ASNSD1: variants seen among roughly 807,000 people sequenced by gnomAD.
ASNSD1 encodes asparagine synthetase domain-containing protein 1.
A neutral mutation model predicts 48.3 loss-of-function variants in ASNSD1; 36 were observed. The observed-to-expected ratio is 0.75, with a 90% CI of 0.57 to 0.99. ASNSD1 has a LOEUF of 0.99. ASNSD1 is among the 50% of genes least tolerant of loss of function. The pLI, the probability that ASNSD1 is intolerant of heterozygous loss-of-function variation, is 0.00. For missense variants in ASNSD1, 714 were observed against 758.2 expected (o/e 0.94, Z 0.69); for synonymous variants, 257 against 262.1 (o/e 0.98, Z 0.19).
chr2:189,662,148 G>A (rs1574275380), intron 1 of ASNSD1, among the ~76,000 whole-genome samples: 1 of 152,202 alleles, frequency 6.6e-6, no homozygotes, highest in Non-Finnish European at 1.5e-5. Flanking sequence ...CCTGTTAGCT[G>A]CTGCTTCTCC....
Position 189,670,535 on chromosome 2 carries a change from A to T in ASNSD1, c.1741A>T (p.Lys581Ter), listed in dbSNP as rs774924153. 6.2e-7 allele frequency: 1 copy of T among 1,613,994 alleles called. No individual in the cohort carries two copies. Among genetic ancestry groups the T allele is most frequent in the African/African-American group, 1.3e-5 (1 of 74,920 alleles). ...NLTLPRGIGE[K>*]LLLRLAAVEL... ...GACTTTACCCCGAGGAATTGGTGAA[A>T]AATTACTTTTACGCCTTGCAGCTGT... The change falls in exon 6 of 6, where the codon AAA becomes TAA. Residue 581 changes from lysine to a stop codon, truncating the protein, a stop_gained. Coordinates refer to ENST00000260952, the MANE Select transcript of ASNSD1 (RefSeq NM_019048.4). LOFTEE classifies it high-confidence loss of function.
intron 3 of ASNSD1, among the ~76,000 whole-genome samples, 165 bp downstream of exon 3, chr2:189,665,616 A>ATATATG (rs2032778433): frequency 1.9e-5 from 2 of 106,998 alleles, no homozygotes; most frequent in African/African-American, 7.5e-5. Context: ...ATATATATAT[A>ATATATG]TATATATATA....
chr2:189,667,265 G>A lies in ASNSD1; in HGVS notation c.1133G>A (p.Cys378Tyr). 1.9e-6 allele frequency: 3 copies of A among 1,614,078 alleles called. No homozygotes were observed. The highest frequency in any genetic ancestry group is 2.5e-6 in the Non-Finnish European group (3 of 1,180,004). Reference sequence around the variant, plus strand: ...GAAGGGAATAAACAGAAAAATAAATGTGAAATACCTTCAGAAGAATTCTCT... The same window carrying A: ...GAAGGGAATAAACAGAAAAATAAATATGAAATACCTTCAGAAGAATTCTCT... Reference protein sequence around the residue: ...NREGNKQKNKCEIPSEEFSKD... With the variant: ...NREGNKQKNKYEIPSEEFSKD... Residue 378 changes from cysteine (C) to tyrosine (Y), a missense_variant, in exon 4 of 6, where the codon TGT becomes TAT. Cys to Tyr is a radical substitution (Grantham distance 194). Coordinates refer to ENST00000260952, the MANE Select transcript of ASNSD1 (RefSeq NM_019048.4).
In ASNSD1 at chr2:189,666,528, G is replaced by T; in HGVS notation, c.396G>T (p.Trp132Cys). ...ATCAAGCATCTAGTCATTATTTATG[G>T]TTTGGTAGGGATTTTTTTGGTCGCC... is the stretch of plus-strand genomic sequence containing the variant. ...IYYQASSHYL[W>C]FGRDFFGRRS... Residue 132 changes from tryptophan to cysteine, a missense_variant, in exon 4 of 6, where the codon TGG becomes TGT. Coordinates refer to ENST00000260952, the MANE Select transcript of ASNSD1 (RefSeq NM_019048.4). The T allele has an allele frequency of 6.2e-7, 1 of 1,613,824 alleles. No individual in the cohort carries two copies. The highest frequency in any genetic ancestry group is 1.3e-5 in the African/African-American group (1 of 74,990).
chr2:189,667,040 G>A lies in ASNSD1; in HGVS notation c.908G>A (p.Arg303Lys), dbSNP rs760494131. ...AAGAAACGTGTCTTGTGTTTACCTA[G>A]GGATGAAAACCTGACAGCAAATGAA... Reference protein sequence around the residue: ...AVKKRVLCLPRDENLTANEVL... With the variant: ...AVKKRVLCLPKDENLTANEVL... Residue 303 changes from arginine (R) to lysine (K), a missense_variant, in exon 4 of 6, where the codon AGG (arginine) becomes AAG (lysine). Physicochemically the swap from Arg to Lys is conservative, Grantham distance 26. Coordinates refer to ENST00000260952, the MANE Select transcript of ASNSD1 (RefSeq NM_019048.4). 6.2e-7 allele frequency: 1 copy of A among 1,614,080 alleles called. No individual in the cohort carries two copies. The highest frequency in any genetic ancestry group is 8.5e-7 in the Non-Finnish European group (1 of 1,179,992).
chr2:189,663,841 A>T, intron 1 of ASNSD1, 60 bp from the exon 2 acceptor site: 1 of 372,600 alleles, frequency 2.7e-6, no homozygotes, highest in East Asian at 3.7e-5. Context: ...CCCTTAAGGG[A>T]TTTTCATTGA....
Position 189,667,427 on chromosome 2 carries a change from T to A in ASNSD1, c.1295T>A (p.Val432Asp). Reference protein sequence around the residue: ...SRIWNFVEINVSMEELQKLRR... With the variant: ...SRIWNFVEINDSMEELQKLRR... ...ATTTGGAATTTTGTTGAAATTAATG[T>A]TTCTATGGAAGAACTGCAGAAATTA... The change falls in exon 4 of 6, where the codon GTT becomes GAT. Residue 432 changes from valine to aspartate, a missense_variant. Coordinates refer to ENST00000260952, the MANE Select transcript of ASNSD1 (RefSeq NM_019048.4). 1 of 1,614,178 alleles carries A rather than the reference T, an allele frequency of 6.2e-7. No individual in the cohort carries two copies.
In ASNSD1 at chr2:189,666,454, A is replaced by G; in HGVS notation, c.322A>G (p.Ile108Val). The G allele has an allele frequency of 6.2e-7, 1 of 1,613,800 alleles. No individual in the cohort carries two copies. The highest frequency in any genetic ancestry group is 8.5e-7 in the Non-Finnish European group (1 of 1,179,880). The change falls in exon 4 of 6, where the codon ATT (isoleucine) becomes GTT (valine). Residue 108 changes from isoleucine to valine, a missense_variant. By Grantham distance (29) the Ile-to-Val change is conservative (BLOSUM62 3). Transcript: ENST00000260952. ...YLSSCKNESE[I>V]LSLFSEVQGP... ...TTCCTCCTGTAAGAATGAATCTGAG[A>G]TTTTGTCACTCTTCTCAGAAGTACA... is the stretch of plus-strand genomic sequence containing the variant.
In ASNSD1 at chr2:189,666,214, A is replaced by G. The variant is rs759919846; in HGVS notation, c.82A>G (p.Lys28Glu). The G allele has an allele frequency of 6.2e-7, 1 of 1,613,426 alleles. No individual in the cohort carries two copies. The highest frequency in any genetic ancestry group is 1.1e-5 in the South Asian group (1 of 90,748). The change falls in exon 4 of 6, where the codon AAA (lysine) becomes GAA (glutamate). Residue 28 changes from lysine to glutamate, a missense_variant. Lys to Glu is a moderately conservative substitution (Grantham distance 56, BLOSUM62 1). Transcript: ENST00000260952. ...DLKEDLLYNL[K>E]QRGPNSSKQL... Reference sequence around the variant, plus strand: ...AAAAGAGGACTTACTATATAATCTTAAACAGCGGGGACCCAATAGTAGTAA... The same window carrying G: ...AAAAGAGGACTTACTATATAATCTTGAACAGCGGGGACCCAATAGTAGTAA...
Position 189,661,470 on chromosome 2 carries a change from CG to C in ASNSD1, c.-362del, listed in dbSNP as rs1366835158. On this transcript the variant is annotated 5_prime_UTR_variant, in exon 1 of 6. The change abolishes the stop of an existing upstream ORF in the 5' untranslated region. Coordinates refer to ENST00000260952, the MANE Select transcript of ASNSD1 (RefSeq NM_019048.4). ...AGCGCGCATGCGCTGTGGCTAATGC[CG>C]TAGGCTCCTTCAGGGCTGAGCCATC... 5.0e-6 allele frequency: 2 copies of C among 399,052 alleles called. No individual in the cohort carries two copies. The highest frequency in any genetic ancestry group is 4.4e-5 in the Admixed American group (1 of 22,716). 24.7% of individuals were successfully genotyped at this position (399,052 alleles called of 1,614,324 possible).
intron 2 of ASNSD1, 68 bp downstream of exon 2, chr2:189,664,022 A>T (rs1451267995): frequency 2.7e-6 from 1 of 365,422 alleles, no homozygotes; most frequent in African/African-American, 2.1e-5. Context: ...TATTAAAGTT[A>T]TAAGAAGTAT....
Position 189,667,802 on chromosome 2 carries a change from A to G in ASNSD1, c.1503A>G (p.Ala501=), listed in dbSNP as rs377246203. 12 of 1,613,776 alleles carry G rather than the reference A, an allele frequency of 7.4e-6. No homozygotes were observed. Among genetic ancestry groups the G allele is most frequent in the Non-Finnish European group, 1.0e-5 (12 of 1,179,932 alleles). The change falls in exon 5 of 6, where the codon GCA becomes GCG. Residue 501 remains alanine, a synonymous_variant. Transcript: ENST00000260952. ...LTGIGADEQL[A]GYSRHRVRFQ... ...GAATTGGTGCAGATGAGCAACTTGC[A>G]GGTTATTCTCGTCATCGTGTCCGCT... is the stretch of plus-strand genomic sequence containing the variant.
At position 189,666,269 on chromosome 2, in the gene ASNSD1, A is replaced by G. The variant is rs1422265425; in HGVS notation, c.137A>G (p.Gln46Arg). 1 of 1,614,016 alleles carries G rather than the reference A, an allele frequency of 6.2e-7. No homozygotes were observed. Among genetic ancestry groups the G allele is most frequent in the Non-Finnish European group, 8.5e-7 (1 of 1,180,010 alleles). ...KQLLKSDVNY[Q>R]CLFSAHVLHL... Reference sequence around the variant, plus strand: ...TTGTTAAAGTCTGATGTTAACTACCAGTGTTTATTTTCTGCTCACGTCCTA... The same window carrying G: ...TTGTTAAAGTCTGATGTTAACTACCGGTGTTTATTTTCTGCTCACGTCCTA... Residue 46 changes from glutamine (Q) to arginine (R), a missense_variant, in exon 4 of 6, where the codon CAG becomes CGG. By Grantham distance (43) the Gln-to-Arg change is conservative. Coordinates refer to ENST00000260952, the MANE Select transcript of ASNSD1 (RefSeq NM_019048.4).
In ASNSD1 at chr2:189,661,468, G is replaced by T. The variant is rs539310673; in HGVS notation, c.-365G>T. On this transcript the variant is annotated 5_prime_UTR_variant, in exon 1 of 6. It removes an upstream start codon present in the reference 5' UTR. Transcript: ENST00000260952. Reference sequence around the variant, plus strand: ...GAAGCGCGCATGCGCTGTGGCTAATGCCGTAGGCTCCTTCAGGGCTGAGCC... The same window carrying T: ...GAAGCGCGCATGCGCTGTGGCTAATTCCGTAGGCTCCTTCAGGGCTGAGCC... 1.7e-3 allele frequency: 664 copies of T among 399,084 alleles called. No individual in the cohort carries two copies. The highest frequency in any genetic ancestry group is 2.5e-3 in the Non-Finnish European group (561 of 226,182). 24.7% of individuals were successfully genotyped at this position (399,084 alleles called of 1,614,324 possible). A position where few individuals can be genotyped will look rare whatever the true frequency, so the allele number is the denominator to read the frequency against.
chr2:189,667,655 C>G, intron 4 of ASNSD1, 59 bp downstream of exon 4: 4 of 1,541,652 alleles, frequency 2.6e-6, no homozygotes, highest in Non-Finnish European at 3.5e-6. Context: ...ACCCTTAAAG[C>G]TTTTAGCATT....
intron 3 of ASNSD1, 31 bp from the exon 4 acceptor site, chr2:189,666,010 A>G: frequency 8.9e-7 from 1 of 1,118,838 alleles, no homozygotes; most frequent in African/African-American, 1.6e-5. Flanking sequence ...TTTTTATGTT[A>G]TTTAATATTT....
rs1380064788 is a variant in ASNSD1, at chr2:189,665,606, A to ATGTG, written c.-93+156_-93+157insGTGT. On this transcript the variant is annotated intron_variant, in intron 3 of 5. Transcript: ENST00000260952. Reference sequence around the variant, plus strand: ...CAGTTATATATATATGTGTATATATATATATATATATATATATATATATAT... The same window carrying ATGTG: ...CAGTTATATATATATGTGTATATATATGTGTATATATATATATATATATATATAT... Among the ~76,000 whole-genome samples, 10 of 9,064 alleles carry ATGTG rather than the reference A, an allele frequency of 1.1e-3. 1 individual carries two copies. Among genetic ancestry groups the ATGTG allele is most frequent in the Non-Finnish European group, 2.9e-3 (8 of 2,722 alleles). 5.9% of individuals were successfully genotyped at this position (9,064 alleles called of 152,430 possible). A position where few individuals can be genotyped will look rare whatever the true frequency, so the allele number is the denominator to read the frequency against.
At chr2:189,668,620 C>T (rs1278241911) in intron 5 of ASNSD1, among the ~76,000 whole-genome samples, 1 of 152,244 alleles carries the variant, frequency 6.6e-6, no homozygotes, top group African/African-American at 2.4e-5. Flanking sequence ...TAAGCCCCAC[C>T]TGCAAGCCTT....
At chr2:189,665,598 G>GTATACA (rs2032772431) in intron 3 of ASNSD1, 147 bp downstream of exon 3, 1 of 14,634 alleles carries the variant, frequency 6.8e-5, no homozygotes, top group African/African-American at 1.2e-4. Flanking sequence ...ATATATATGT[G>GTATACA]TATATATATA....
Sources: allele counts gnomAD v4.1 joint callset (sites outside exome capture counted in the v4.1 genomes callset), GRCh38; gene constraint gnomAD v4.1.1; transcripts MANE v1.5; gene names NCBI Gene and HGNC (gene_info 2026-07-23, HGNC 2026-07-21).